The following DAB2IP variants were observed in gnomAD, a reference collection of about 807,000 sequenced individuals.
The protein encoded by DAB2IP is disabled homolog 2-interacting protein.
A neutral mutation model predicts 107.2 loss-of-function variants in DAB2IP; 28 were observed. The ratio of observed to expected loss-of-function variants is 0.26; its 90% CI spans 0.19 to 0.36. DAB2IP has a LOEUF of 0.36. DAB2IP is among the 10% of genes least tolerant of loss of function. DAB2IP has a pLI of 1.00. For synonymous variants in DAB2IP, 755 were observed against 706.4 expected (o/e 1.07, Z -1.09); for missense variants, 1,400 against 1,644.7 (o/e 0.85, Z 2.57).
chr9:121,685,766 T>C (rs1233138827), intron 2 of DAB2IP, among the ~76,000 whole-genome samples: 2 of 152,198 alleles, frequency 1.3e-5, no homozygotes, highest in Non-Finnish European at 2.9e-5. Flanking sequence ...CCTGCAGAAA[T>C]ACAGAAGGGC....
At chr9:121,646,418 A>G (rs1832538001) in intron 1 of DAB2IP, among the ~76,000 whole-genome samples, 1 of 152,060 alleles carries the variant, frequency 6.6e-6, no homozygotes, top group Non-Finnish European at 1.5e-5. Flanking sequence ...GGATGCAGGA[A>G]GTCGTCATTG....
chr9:121,731,371 C>A (rs866972181), intron 3 of DAB2IP, among the ~76,000 whole-genome samples: 1 of 152,332 alleles, frequency 6.6e-6, no homozygotes, highest in Middle Eastern at 3.4e-3. Flanking sequence ...TAATATCACA[C>A]ATGGCAGCAC....
At chr9:121,714,626 A>G (rs918198438) in intron 3 of DAB2IP, among the ~76,000 whole-genome samples, 4 of 152,256 alleles carry the variant, frequency 2.6e-5, no homozygotes, top group Non-Finnish European at 5.9e-5. Context: ...AGTTAGAGCC[A>G]GTTACATGCC....
intron 1 of DAB2IP, among the ~76,000 whole-genome samples, chr9:121,592,793 G>A (rs577509): frequency 0.22 from 34,139 of 152,156 alleles, 4,720 homozygotes; most frequent in Non-Finnish European, 0.31. Context: ...CCTTGGGGAA[G>A]GTGCTGCAGG....
rs1426722613 is a variant in DAB2IP at position 121,776,356 on chromosome 9, G to A, written c.3279G>A (p.Glu1093=). 1.9e-6 allele frequency: 3 copies of A among 1,550,904 alleles called. No homozygotes were observed. The highest frequency in any genetic ancestry group is 1.9e-4 in the Middle Eastern group (1 of 5,246). Residue 1093 remains glutamate (E), a synonymous_variant, in exon 14 of 16, where the codon GAG becomes GAA. Coordinates refer to ENST00000408936, the Ensembl canonical transcript of DAB2IP. This position sits in a 1 kb window ranked among gnomAD's most constrained non-coding sequence, Gnocchi z 5.4. The stretch of plus-strand genomic sequence containing the variant: ...AGGAGCGGCTGCGGCGGCAGCAGGA[G>A]GACAAGGACATCCAGATGAAGGGCA...
At chr9:121,691,081 C>A (rs1469694555) in intron 2 of DAB2IP, among the ~76,000 whole-genome samples, 1 of 152,212 alleles carries the variant, frequency 6.6e-6, no homozygotes, top group Non-Finnish European at 1.5e-5. Context: ...CAAGTGAAAT[C>A]CTTTTAAAAA....
chr9:121,616,509 G>T (rs1831284979), intron 1 of DAB2IP, among the ~76,000 whole-genome samples: 1 of 152,180 alleles, frequency 6.6e-6, no homozygotes. Context: ...GCGGCTAGCG[G>T]CTCTGCTGGT....
At chr9:121,604,450 G>A (rs934690100) in intron 1 of DAB2IP, among the ~76,000 whole-genome samples, 4 of 152,170 alleles carry the variant, frequency 2.6e-5, no homozygotes, top group Non-Finnish European at 4.4e-5. Context: ...TGTTAACCAC[G>A]AGATCAAAGC....
At chr9:121,775,212 T>A (rs937892761) in intron 13 of DAB2IP, among the ~76,000 whole-genome samples, 4 of 152,312 alleles carry the variant, frequency 2.6e-5, no homozygotes, top group East Asian at 3.9e-4. Flanking sequence ...CCCCTCTGGA[T>A]GCTCTCGCCC....
At chr9:121,658,828 C>A (rs549362052) in intron 1 of DAB2IP, among the ~76,000 whole-genome samples, 1 of 152,230 alleles carries the variant, frequency 6.6e-6, no homozygotes, top group East Asian at 1.9e-4. Flanking sequence ...TCCACAACTG[C>A]CTGGGTTTTA....
At chr9:121,623,506 A>G (rs995218111) in intron 1 of DAB2IP, among the ~76,000 whole-genome samples, 1 of 151,900 alleles carries the variant, frequency 6.6e-6, no homozygotes, top group Non-Finnish European at 1.5e-5. Context: ...AGCTGGGACT[A>G]CAAGCATGCA....
chr9:121,695,896 A>C lies in DAB2IP; in HGVS notation c.229-3429A>C, dbSNP rs116880490. Among the ~76,000 whole-genome samples, 3,331 of 152,014 alleles carry C rather than the reference A, an allele frequency of 0.022. 187 individuals carry two copies. In the East Asian group the frequency reaches 0.24, roughly 11 times the overall value. On this transcript the variant is annotated intron_variant, in intron 2 of 15. Transcript: ENST00000408936. ...TTGTTTTTTGTTTTTTTGAGATGGA[A>C]TCTTGTTTTGTTGCCCAGGCCGAAG... is the stretch of plus-strand genomic sequence containing the variant.
intron 3 of DAB2IP, among the ~76,000 whole-genome samples, chr9:121,713,804 A>G (rs1245356053): frequency 1.3e-5 from 2 of 152,210 alleles, no homozygotes; most frequent in South Asian, 2.1e-4. Context: ...ACCATACACC[A>G]TGAAAGGTAC....
At chr9:121,582,542 G>C (rs1037455905) in intron 1 of DAB2IP, among the ~76,000 whole-genome samples, 2 of 151,762 alleles carry the variant, frequency 1.3e-5, no homozygotes, top group Non-Finnish European at 1.5e-5. Context: ...CTCCACTGGC[G>C]CCCCCGTGAC....
intron 1 of DAB2IP, among the ~76,000 whole-genome samples, chr9:121,600,117 G>T (rs2118950984): frequency 6.6e-6 from 1 of 152,138 alleles, no homozygotes; most frequent in East Asian, 1.9e-4. Flanking sequence ...GTTGGGGGTG[G>T]GGGGTGCCAG....
At chr9:121,758,818 C>A in intron 4 of DAB2IP, 80 bp from the exon 5 acceptor site, 1 of 1,292,730 alleles carries the variant, frequency 7.7e-7, no homozygotes. Flanking sequence ...GTCCCCTGAG[C>A]CTCCAAGGTC....
intron 1 of DAB2IP, among the ~76,000 whole-genome samples, chr9:121,645,765 C>T (rs764047010): frequency 3.9e-5 from 6 of 152,200 alleles, no homozygotes; most frequent in Non-Finnish European, 5.9e-5. Context: ...CCTTCTACCT[C>T]GGACATTCCG....
chr9:121,569,228 C>G (rs2118878030), intron 1 of DAB2IP, among the ~76,000 whole-genome samples: 1 of 152,314 alleles, frequency 6.6e-6, no homozygotes, highest in African/African-American at 2.4e-5. Context: ...AGTCTGAGCC[C>G]CGGTTCTACA....
At chr9:121,761,601 G>A (rs898864238) in intron 6 of DAB2IP, among the ~76,000 whole-genome samples, 4 of 152,232 alleles carry the variant, frequency 2.6e-5, no homozygotes, top group African/African-American at 9.6e-5. Context: ...TGCACTTGCT[G>A]TATGCTGCAA....
Sources: allele counts gnomAD v4.1 joint callset (sites outside exome capture counted in the v4.1 genomes callset), GRCh38; gene constraint gnomAD v4.1.1; non-coding constraint Gnocchi (gnomAD v3.1); transcripts MANE v1.5; gene names NCBI Gene and HGNC (gene_info 2026-07-23, HGNC 2026-07-21).